MOSMO: variants seen among roughly 807,000 people sequenced by gnomAD.
MOSMO encodes modulator of smoothened protein.
A neutral mutation model predicts 18.4 loss-of-function variants in MOSMO; 5 were observed. The observed-to-expected ratio is 0.27, with a 90% CI of 0.14 to 0.57. MOSMO has a LOEUF of 0.57. MOSMO is among the 20% of genes least tolerant of loss of function. MOSMO has a pLI of 0.92. For synonymous variants in MOSMO, 82 were observed against 82.3 expected, an observed-to-expected ratio of 1.00 and a Z score of 0.02; for missense variants, 138 against 211.8, an observed-to-expected ratio of 0.65 and a Z score of 2.16.
intron 1 of MOSMO, among the ~76,000 whole-genome samples, chr16:22,052,867 G>A (rs1567509279): frequency 6.6e-6 from 1 of 151,846 alleles, no homozygotes; most frequent in African/African-American, 2.4e-5. Context: ...CAAAATCAAG[G>A]AGAGTGGTTA....
chr16:22,057,079 T>A (rs1240002758), intron 1 of MOSMO, among the ~76,000 whole-genome samples: 2 of 152,206 alleles, frequency 1.3e-5, no homozygotes, highest in Admixed American at 6.5e-5. Flanking sequence ...AAATGAAGAA[T>A]TATCGACTAT....
intron 1 of MOSMO, among the ~76,000 whole-genome samples, chr16:22,023,349 C>G (rs941557352): frequency 7.2e-5 from 11 of 152,120 alleles, no homozygotes; most frequent in African/African-American, 2.7e-4. Flanking sequence ...TAGCTATTAT[C>G]GTGTAACCAT....
chr16:22,055,290 GTTAGTCAACACACACC>G (rs951439921), intron 1 of MOSMO, among the ~76,000 whole-genome samples: 10 of 152,078 alleles, frequency 6.6e-5, no homozygotes, highest in African/African-American at 1.4e-4. Context: ...TTCTGTGTGT[GTTAGTCAACACACACC>G]TTAGTCAACA....
intron 1 of MOSMO, among the ~76,000 whole-genome samples, chr16:22,047,455 A>G (rs533448702): frequency 2.6e-5 from 4 of 152,098 alleles, no homozygotes; most frequent in South Asian, 4.2e-4. Flanking sequence ...CATGTTAGCC[A>G]GGATGGTCTT....
At chr16:22,045,246 G>A (rs1477456687) in intron 1 of MOSMO, among the ~76,000 whole-genome samples, 1 of 151,824 alleles carries the variant, frequency 6.6e-6, no homozygotes, top group African/African-American at 2.4e-5. Flanking sequence ...CTTCTCTGTG[G>A]TTTCTTATAC....
At chr16:22,060,838 A>G (rs1056431041) in intron 1 of MOSMO, among the ~76,000 whole-genome samples, 3 of 151,936 alleles carry the variant, frequency 2.0e-5, no homozygotes, top group Non-Finnish European at 4.4e-5. Flanking sequence ...GCATCATTGC[A>G]CTCTAGCCTG....
intron 1 of MOSMO, among the ~76,000 whole-genome samples, chr16:22,061,972 C>T (rs1900653451): frequency 6.6e-6 from 1 of 152,164 alleles, no homozygotes; most frequent in African/African-American, 2.4e-5. Flanking sequence ...GAAGAGATGT[C>T]AGAACTAGAA....
intron 1 of MOSMO, among the ~76,000 whole-genome samples, chr16:22,013,382 G>A (rs994608895): frequency 6.6e-6 from 1 of 152,084 alleles, no homozygotes; most frequent in African/African-American, 2.4e-5. Flanking sequence ...TTCTTCAGTG[G>A]CTGGAGGTTT....
intron 1 of MOSMO, among the ~76,000 whole-genome samples, chr16:22,039,139 C>T (rs112321668): frequency 6.6e-6 from 1 of 152,130 alleles, no homozygotes; most frequent in Non-Finnish European, 1.5e-5. Flanking sequence ...AATAATCATA[C>T]TGAATCATAT....
intron 1 of MOSMO, among the ~76,000 whole-genome samples, chr16:22,029,457 C>T (rs1290446941): frequency 1.3e-5 from 2 of 152,070 alleles, no homozygotes; most frequent in African/African-American, 2.4e-5. Context: ...CAGAATTCAC[C>T]AGTTTTAAAG....
chr16:22,021,667 G>T (rs753498043), intron 1 of MOSMO, among the ~76,000 whole-genome samples: 1 of 152,080 alleles, frequency 6.6e-6, no homozygotes, highest in African/African-American at 2.4e-5. Flanking sequence ...GCGTGATGGC[G>T]TGTTCCTGTA....
intron 1 of MOSMO, among the ~76,000 whole-genome samples, chr16:22,056,555 T>A (rs1900541325): frequency 7.1e-6 from 1 of 140,220 alleles, no homozygotes; most frequent in African/African-American, 3.1e-5. Context: ...TATATATATA[T>A]TTTTTTTTGG....
At chr16:22,070,520 C>T (rs986737612) in intron 1 of MOSMO, among the ~76,000 whole-genome samples, 2 of 152,050 alleles carry the variant, frequency 1.3e-5, no homozygotes, top group African/African-American at 4.8e-5. Context: ...TGTAAACTCC[C>T]GGGAGGGTAA....
chr16:22,027,936 C>T (rs2059226), intron 1 of MOSMO, among the ~76,000 whole-genome samples: 17,230 of 152,144 alleles, frequency 0.11, 1,293 homozygotes, highest in South Asian at 0.28. Context: ...GGCAAGCTAA[C>T]TATAACCTTT....
At chr16:22,008,453 G>A (rs748745731) in intron 1 of MOSMO, 46 bp downstream of exon 1, 10 of 1,366,964 alleles carry the variant, frequency 7.3e-6, no homozygotes, top group Non-Finnish European at 1.0e-5. Context: ...GGCTGAGGGC[G>A]ACGCGAGAGA....
intron 1 of MOSMO, among the ~76,000 whole-genome samples, chr16:22,024,157 G>A (rs1272792296): frequency 6.6e-6 from 1 of 151,722 alleles, no homozygotes; most frequent in Non-Finnish European, 1.5e-5. Context: ...AGATCTTCTA[G>A]ACAGTTTCTT....
Position 22,075,716 on chromosome 16 carries a change from T to TA in MOSMO, c.319+18dup, listed in dbSNP as rs1900954093. The TA allele has an allele frequency of 3.7e-6, 5 of 1,350,976 alleles. No individual in the cohort carries two copies. Among genetic ancestry groups the TA allele is most frequent in the Admixed American group, 2.5e-5 (1 of 40,026 alleles). 83.7% of individuals were successfully genotyped at this position (1,350,976 alleles called of 1,614,324 possible). On this transcript the variant is annotated intron_variant, in intron 2 of 2. Coordinates refer to ENST00000542527, the MANE Select transcript of MOSMO (RefSeq NM_001164579.2). ...TCACTGGAAGTAAGTAACCTGTGCT[T>TA]ACTAAATTTGTCTAGAAGGCACCCA...
At chr16:22,011,019 A>G (rs563154188) in intron 1 of MOSMO, among the ~76,000 whole-genome samples, 64 of 152,286 alleles carry the variant, frequency 4.2e-4, no homozygotes, top group African/African-American at 1.4e-3. Context: ...TTTGGAGGCA[A>G]AATTGGCTGT....
Position 22,008,423 on chromosome 16 carries a change from G to A in MOSMO, c.106+16G>A. 6.6e-7 allele frequency: 1 copy of A among 1,512,866 alleles called. No homozygotes were observed. Among genetic ancestry groups the A allele is most frequent in the Non-Finnish European group, 8.9e-7 (1 of 1,128,202 alleles). The allele number at this position is 1,512,866 out of a possible 1,614,324, so 93.7% of individuals were successfully genotyped here. A position where few individuals can be genotyped will look rare whatever the true frequency, so the allele number is the denominator to read the frequency against. On this transcript the variant is annotated intron_variant, in intron 1 of 2. Transcript: ENST00000542527. ...GAGTCTGCGGGTGAGCCGCTGGCGC[G>A]CCGGGCCGGGCGGGGGATTGGCTGA...
Sources: gnomAD v4.1 joint callset for allele counts (sites outside exome capture counted in the v4.1 genomes callset) on GRCh38, gnomAD v4.1.1 for gene constraint, MANE v1.5 for transcripts, NCBI Gene and HGNC (gene_info 2026-07-23, HGNC 2026-07-21) for gene names.